Variants in PRKD1 observed in about 807,000 individuals in gnomAD.
PRKD1 encodes protein kinase D1.
Under a neutral mutation model 95.9 loss-of-function variants are expected in PRKD1, and 63 were observed. The observed-to-expected ratio is 0.66, with a 90% confidence interval of 0.54 to 0.81. The LOEUF is 0.81. Among genes scored for constraint, PRKD1 ranks in the 30% least tolerant of loss-of-function variants. The pLI is 0.00. For missense variants in PRKD1, 1,048 were observed against 1,165.3 expected (o/e 0.90, Z 1.47); for synonymous variants, 425 against 423.1 (o/e 1.00, Z -0.05).
intron 1 of PRKD1, among the ~76,000 whole-genome samples, chr14:29,900,898 C>A (rs1447224722): frequency 6.6e-6 from 1 of 152,166 alleles, no homozygotes; most frequent in Non-Finnish European, 1.5e-5. Context: ...GTGGGAAATG[C>A]AAACTAATTC....
At chr14:29,736,692 C>A (rs1388978755) in intron 1 of PRKD1, among the ~76,000 whole-genome samples, 1 of 152,188 alleles carries the variant, frequency 6.6e-6, no homozygotes, top group Non-Finnish European at 1.5e-5. Context: ...ATATGGCCAA[C>A]AATCCAGGCA....
chr14:29,738,934 T>A (rs759469666), intron 1 of PRKD1, among the ~76,000 whole-genome samples: 5 of 151,316 alleles, frequency 3.3e-5, no homozygotes, highest in African/African-American at 4.9e-5. Flanking sequence ...CAGGTTGAAG[T>A]GAGTGATTCT....
intron 1 of PRKD1, among the ~76,000 whole-genome samples, chr14:29,886,537 G>C (rs1032695564): frequency 5.3e-5 from 8 of 152,192 alleles, no homozygotes; most frequent in Non-Finnish European, 8.8e-5. Context: ...TCTGGATGAA[G>C]AACTTAGTGT....
chr14:29,914,495 C>T (rs1405124694), intron 1 of PRKD1, among the ~76,000 whole-genome samples: 1 of 152,208 alleles, frequency 6.6e-6, no homozygotes, highest in Non-Finnish European at 1.5e-5. Context: ...TGGCTCACGC[C>T]TGTAATCTCA....
chr14:29,740,158 C>T (rs1353392813), intron 1 of PRKD1, among the ~76,000 whole-genome samples: 2 of 152,064 alleles, frequency 1.3e-5, no homozygotes, highest in Non-Finnish European at 2.9e-5. Context: ...AGTAATTAGG[C>T]GTGTGGATGT....
At chr14:29,766,395 A>T (rs1020014314) in intron 1 of PRKD1, among the ~76,000 whole-genome samples, 2 of 152,186 alleles carry the variant, frequency 1.3e-5, no homozygotes, top group African/African-American at 4.8e-5. Context: ...GGGAAATAGG[A>T]TATCACAGGA....
intron 2 of PRKD1, among the ~76,000 whole-genome samples, chr14:29,701,980 G>A (rs1351410406): frequency 2.6e-5 from 4 of 152,076 alleles, no homozygotes; most frequent in African/African-American, 9.7e-5. Context: ...TTTATCAAAT[G>A]AAATAAATTC....
intron 2 of PRKD1, among the ~76,000 whole-genome samples, chr14:29,683,325 A>G (rs1883643101): frequency 1.3e-5 from 2 of 152,156 alleles, no homozygotes. Flanking sequence ...CCAGGAACCA[A>G]CTGGTACCAC....
chr14:29,727,030 TC>T (rs1272374803), intron 1 of PRKD1, among the ~76,000 whole-genome samples: 2 of 152,142 alleles, frequency 1.3e-5, no homozygotes, highest in African/African-American at 4.8e-5. Context: ...GTAAAAGTGC[TC>T]CTGTTTCTCC....
intron 2 of PRKD1, among the ~76,000 whole-genome samples, chr14:29,721,178 C>G (rs1198079283): frequency 6.6e-6 from 1 of 152,208 alleles, no homozygotes; most frequent in African/African-American, 2.4e-5. Context: ...ACTACAGTGC[C>G]AGCTCTCTAA....
At chr14:29,911,004 A>G (rs866676841) in intron 1 of PRKD1, among the ~76,000 whole-genome samples, 1 of 152,202 alleles carries the variant, frequency 6.6e-6, no homozygotes, top group Non-Finnish European at 1.5e-5. Flanking sequence ...GAAATTAAAC[A>G]TAGAGAAGTT....
At chr14:29,882,559 A>C (rs1893550474) in intron 1 of PRKD1, among the ~76,000 whole-genome samples, 1 of 152,228 alleles carries the variant, frequency 6.6e-6, no homozygotes, top group Non-Finnish European at 1.5e-5. Context: ...TTTAAAGTGT[A>C]CAGTTCAGTA....
At chr14:29,796,280 T>C (rs2139206273) in intron 1 of PRKD1, among the ~76,000 whole-genome samples, 1 of 152,262 alleles carries the variant, frequency 6.6e-6, no homozygotes, top group South Asian at 2.1e-4. Flanking sequence ...TAAGTTAAAC[T>C]CCCTAACTCT....
At chr14:29,834,678 C>A (rs560070202) in intron 1 of PRKD1, among the ~76,000 whole-genome samples, 2 of 152,008 alleles carry the variant, frequency 1.3e-5, no homozygotes, top group Admixed American at 6.5e-5. Context: ...TACTAAAATG[C>A]CAATCACAAT....
chr14:29,922,081 T>C (rs761056304), intron 1 of PRKD1, among the ~76,000 whole-genome samples: 63 of 151,804 alleles, frequency 4.2e-4, no homozygotes, highest in African/African-American at 5.8e-4. Flanking sequence ...GCGGGCGGAT[T>C]ACGAGGTCAG....
chr14:29,827,118 G>T (rs1891228195), intron 1 of PRKD1, among the ~76,000 whole-genome samples: 1 of 151,122 alleles, frequency 6.6e-6, no homozygotes, highest in Non-Finnish European at 1.5e-5. Context: ...TTATAAATTG[G>T]GTTCAGCATA....
At chr14:29,856,096 C>T (rs1027103049) in intron 1 of PRKD1, among the ~76,000 whole-genome samples, 1 of 152,196 alleles carries the variant, frequency 6.6e-6, no homozygotes, top group Middle Eastern at 3.4e-3. Flanking sequence ...AAGGATGGCA[C>T]CATACAAAGA....
At chr14:29,601,785 C>T (rs1372790185) in intron 13 of PRKD1, among the ~76,000 whole-genome samples, 1 of 152,174 alleles carries the variant, frequency 6.6e-6, no homozygotes, top group African/African-American at 2.4e-5. Context: ...CATACTTGAA[C>T]TTGTGTCCCA....
chr14:29,765,970 A>G (rs1338736865), intron 1 of PRKD1, among the ~76,000 whole-genome samples: 1 of 152,150 alleles, frequency 6.6e-6, no homozygotes, highest in South Asian at 2.1e-4. Flanking sequence ...TTTGCATGTT[A>G]TAACAATTTA....
Sources: gnomAD v4.1 joint callset for allele counts (sites outside exome capture counted in the v4.1 genomes callset) on GRCh38, gnomAD v4.1.1 for gene constraint, MANE v1.5 for transcripts, NCBI Gene and HGNC (gene_info 2026-07-23, HGNC 2026-07-21) for gene names.